The following SLC41A2 variants were observed in gnomAD, a reference collection of about 807,000 sequenced individuals.
SLC41A2 encodes SLC41A1-like 1.
SLC41A2 carries 32 observed loss-of-function variants against 58.3 expected under a neutral mutation model. That is an observed-to-expected ratio of 0.55 (90% CI 0.41 to 0.74). The LOEUF (loss-of-function observed/expected upper bound fraction) is 0.74. SLC41A2 is among the 30% of genes least tolerant of loss of function. The pLI is 0.00. For synonymous variants in SLC41A2, 190 were observed against 235.0 expected (o/e 0.81, Z 1.75); for missense variants, 514 against 680.6 (o/e 0.76, Z 2.72).
intron 8 of SLC41A2, among the ~76,000 whole-genome samples, chr12:104,853,925 T>TTTTTTTTTTA (rs2042915587): frequency 7.3e-6 from 1 of 136,880 alleles, no homozygotes; most frequent in African/African-American, 2.7e-5. Context: ...TTTTTTTTTT[T>TTTTTTTTTTA]TTTTTTTTTT....
intron 8 of SLC41A2, among the ~76,000 whole-genome samples, chr12:104,854,003 C>A (rs1459413015): frequency 6.8e-6 from 1 of 147,970 alleles, no homozygotes; most frequent in African/African-American, 2.5e-5. Context: ...CACACAATCC[C>A]ACCTCCTTGG....
At chr12:104,890,098 G>A (rs2044878633) in intron 4 of SLC41A2, among the ~76,000 whole-genome samples, 1 of 152,072 alleles carries the variant, frequency 6.6e-6, no homozygotes, top group East Asian at 1.9e-4. Flanking sequence ...CAAACACAGA[G>A]GCACTCAATA....
At chr12:104,955,036 T>G (rs1282750456) in intron 1 of SLC41A2, among the ~76,000 whole-genome samples, 1 of 149,120 alleles carries the variant, frequency 6.7e-6, no homozygotes, top group African/African-American at 2.5e-5. Context: ...TTTTTTTTTT[T>G]TTTTGAGTTA....
chr12:104,957,578 A>G (rs1223302912), intron 1 of SLC41A2, among the ~76,000 whole-genome samples: 1 of 152,272 alleles, frequency 6.6e-6, no homozygotes, highest in Non-Finnish European at 1.5e-5. Context: ...TATACACATC[A>G]ATGTATATCG....
chr12:104,857,360 C>T (rs771510229), intron 8 of SLC41A2, among the ~76,000 whole-genome samples: 1 of 152,096 alleles, frequency 6.6e-6, no homozygotes, highest in African/African-American at 2.4e-5. Context: ...TAAGAAATCC[C>T]GTAGTAGGAT....
intron 10 of SLC41A2, among the ~76,000 whole-genome samples, chr12:104,818,713 C>G (rs2468098): frequency 0.49 from 74,116 of 151,650 alleles, 18,939 homozygotes; most frequent in Middle Eastern, 0.57. Flanking sequence ...CCCATCTCTA[C>G]TAAAAATACA....
chr12:104,881,960 G>T (rs1004577312), intron 6 of SLC41A2, among the ~76,000 whole-genome samples: 4 of 152,094 alleles, frequency 2.6e-5, no homozygotes, highest in Non-Finnish European at 5.9e-5. Flanking sequence ...AAGTCTCTTT[G>T]TAGGTCTCTC....
At chr12:104,809,451 A>G (rs988728632) in intron 10 of SLC41A2, among the ~76,000 whole-genome samples, 2 of 152,216 alleles carry the variant, frequency 1.3e-5, no homozygotes, top group East Asian at 1.9e-4. Context: ...TGAATTTTAC[A>G]TGCCTTTGGA....
chr12:104,953,180 A>G (rs990280815), intron 1 of SLC41A2, among the ~76,000 whole-genome samples: 2 of 152,236 alleles, frequency 1.3e-5, no homozygotes, highest in African/African-American at 2.4e-5. Context: ...TATATATTTA[A>G]CTACACAATA....
rs2040845662 is a variant in SLC41A2 at position 104,805,158 on chromosome 12, T to A, written c.1716A>T (p.Gly572=). 6.2e-7 allele frequency: 1 copy of A among 1,608,122 alleles called. No homozygotes were observed. The highest frequency in any genetic ancestry group is 1.1e-5 in the South Asian group (1 of 90,050). The part of the protein sequence containing the change: ...WLIGDRDGDV[G]D ...GAGCAGTTTGTAGAATTTATTAGTCTCCAACATCTCCATCTCGATCTCCAA... is the reference window on the plus strand; with the variant it reads ...GAGCAGTTTGTAGAATTTATTAGTCACCAACATCTCCATCTCGATCTCCAA... Residue 572 remains glycine, a synonymous_variant, in exon 11 of 11, where the codon GGA becomes GGT. Coordinates refer to ENST00000258538, the MANE Select transcript of SLC41A2 (RefSeq NM_001352171.3).
intron 10 of SLC41A2, among the ~76,000 whole-genome samples, chr12:104,806,855 A>C (rs1046563289): frequency 6.6e-6 from 1 of 152,016 alleles, no homozygotes; most frequent in African/African-American, 2.4e-5. Flanking sequence ...TGGCTGCATA[A>C]ATGTCTTCTT....
In SLC41A2 at chr12:104,954,387, C is replaced by T. The variant is rs145342617; in HGVS notation, c.-168+3701G>A. ...GAAGAAAAAGTGTCCCTACCCTCAT[C>T]TACCATAAAGGAGACAGGTCAGCTG... On this transcript the variant is annotated intron_variant, in intron 1 of 10. Transcript: ENST00000258538. 1.6e-3 allele frequency among the ~76,000 whole-genome samples: 248 copies of T among 152,344 alleles called. 2 individuals are homozygous for T. The highest frequency in any genetic ancestry group is 3.3e-3 in the Admixed American group (50 of 15,296).
intron 10 of SLC41A2, among the ~76,000 whole-genome samples, chr12:104,840,415 A>G (rs1305082953): frequency 6.6e-6 from 1 of 152,248 alleles, no homozygotes; most frequent in Non-Finnish European, 1.5e-5. Context: ...AAAACAAACA[A>G]TTGTGCCTTA....
At chr12:104,818,007 T>A (rs746304294) in intron 10 of SLC41A2, among the ~76,000 whole-genome samples, 1 of 152,200 alleles carries the variant, frequency 6.6e-6, no homozygotes, top group Non-Finnish European at 1.5e-5. Context: ...AAAATGATAA[T>A]TTTGTGAGGA....
chr12:104,949,516 T>C (rs1332438917), intron 1 of SLC41A2, among the ~76,000 whole-genome samples: 1 of 152,202 alleles, frequency 6.6e-6, no homozygotes. Context: ...ATCCACACAG[T>C]ATTAGACAAA....
chr12:104,892,913 A>C (rs942923779), intron 4 of SLC41A2, among the ~76,000 whole-genome samples: 4 of 152,192 alleles, frequency 2.6e-5, no homozygotes, highest in African/African-American at 7.2e-5. Flanking sequence ...CAAAAACATT[A>C]GGGGCACTCT....
At position 104,805,227 on chromosome 12, in the gene SLC41A2, G is replaced by A. The variant is rs550348394; in HGVS notation, c.1647C>T (p.Leu549=). The A allele has an allele frequency of 3.3e-5, 53 of 1,613,862 alleles. No individual in the cohort carries two copies. The highest frequency in any genetic ancestry group is 1.6e-4 in the East Asian group (7 of 44,882). The stretch of plus-strand genomic sequence containing the variant: ...AACTTAAGGCTAACAGAGCTGTCCC[G>A]AGCAGATCACCCAATGCTGTTAGGT... ...IPYLTALGDL[L]GTALLALSFH... Residue 549 remains leucine, a synonymous_variant, in exon 11 of 11, where the codon CTC becomes CTT. Transcript: ENST00000258538.
chr12:104,935,921 T>C (rs1446224455), intron 1 of SLC41A2, among the ~76,000 whole-genome samples: 1 of 152,042 alleles, frequency 6.6e-6, no homozygotes, highest in Non-Finnish European at 1.5e-5. Flanking sequence ...CACACACCTG[T>C]AATCTCAGCT....
chr12:104,936,803 A>G (rs1447552690), intron 1 of SLC41A2, among the ~76,000 whole-genome samples: 2 of 152,252 alleles, frequency 1.3e-5, no homozygotes, highest in African/African-American at 4.8e-5. Context: ...GGTTTTTAAA[A>G]GTAAAAGAAA....
Sources: gnomAD v4.1 joint callset for allele counts (sites outside exome capture counted in the v4.1 genomes callset) on GRCh38, gnomAD v4.1.1 for gene constraint, MANE v1.5 for transcripts, NCBI Gene and HGNC (gene_info 2026-07-23, HGNC 2026-07-21) for gene names.